The following COX7C variants were observed in gnomAD, a reference collection of about 807,000 sequenced individuals.
COX7C encodes cytochrome c oxidase subunit 7C.
In COX7C, 1 loss-of-function variant was observed where a neutral mutation model predicts 6.4. The ratio of observed to expected loss-of-function variants is 0.16; its 90% CI spans 0.06 to 0.74. The LOEUF is 0.74. COX7C is among the 30% of genes least tolerant of loss of function. COX7C has a pLI of 0.78. For synonymous variants in COX7C, 24 were observed against 28.9 expected (o/e 0.83, Z 0.54); for missense variants, 54 against 73.7 (o/e 0.73, Z 0.98).
Position 86,617,992 on chromosome 5 carries a change from G to C in COX7C, c.-64G>C. 6.6e-7 allele frequency: 1 copy of C among 1,516,906 alleles called. No individual in the cohort carries two copies. 94.0% of individuals were successfully genotyped at this position (1,516,906 alleles called of 1,614,324 possible). The stretch of plus-strand genomic sequence containing the variant: ...CAAGGTCGTGAAAAAAAAGGTCTTG[G>C]TGAGGTGCCGCCATTTCATCTGTCC... On this transcript the variant is annotated 5_prime_UTR_variant, in exon 1 of 3. Coordinates refer to ENST00000247655, the MANE Select transcript of COX7C (RefSeq NM_001867.3).
At chr5:86,618,191 C>G in intron 1 of COX7C, 61 bp downstream of exon 1, 2 of 1,490,330 alleles carry the variant, frequency 1.3e-6, no homozygotes, top group South Asian at 1.1e-5. Flanking sequence ...GACTCGCGCA[C>G]CTGCAAGGCC....
chr5:86,620,580 G>T, intron 2 of COX7C, 88 bp from the exon 3 acceptor site: 1 of 401,508 alleles, frequency 2.5e-6, no homozygotes, highest in Non-Finnish European at 5.3e-6. Flanking sequence ...TACTCAAACT[G>T]ATAGAAAATA....
Position 86,618,309 on chromosome 5 carries a change from T to G in COX7C, c.75+179T>G, listed in dbSNP as rs537577625. ...TGAGGAAGCTGGGCATCCTAGCGCG[T>G]AGCCGCTAAAGGAATGGGCAGGTAG... is the stretch of plus-strand genomic sequence containing the variant. On this transcript the variant is annotated intron_variant, in intron 1 of 2. Transcript: ENST00000247655. 3.4e-5 allele frequency: 21 copies of G among 615,578 alleles called. No individual in the cohort carries two copies. The East Asian group carries it at 5.8e-4, about 17-fold the overall frequency. 38.1% of individuals were successfully genotyped at this position (615,578 alleles called of 1,614,324 possible).
chr5:86,618,185 C>A (rs530665895), intron 1 of COX7C, 55 bp downstream of exon 1: 5 of 1,539,522 alleles, frequency 3.2e-6, no homozygotes, highest in South Asian at 2.2e-5. Flanking sequence ...GGCTGTGACT[C>A]GCGCACCTGC....
At chr5:86,618,452 G>A in intron 1 of COX7C, 1 of 303,446 alleles carries the variant, frequency 3.3e-6, no homozygotes, top group Non-Finnish European at 6.3e-6. Flanking sequence ...CGAGCTGGAG[G>A]TCATCGGACC....
In COX7C at chr5:86,619,480, GT is replaced by G; in HGVS notation, c.*13del. 6.5e-7 allele frequency: 1 copy of G among 1,529,266 alleles called. No homozygotes were observed. Among genetic ancestry groups the G allele is most frequent in the East Asian group, 2.3e-5 (1 of 44,438 alleles). The allele number at this position is 1,529,266 out of a possible 1,614,324, so 94.7% of individuals were successfully genotyped here. A position where few individuals can be genotyped will look rare whatever the true frequency, so the allele number is the denominator to read the frequency against. On this transcript the variant is annotated 3_prime_UTR_variant, in exon 2 of 3. Coordinates refer to ENST00000247655, the MANE Select transcript of COX7C (RefSeq NM_001867.3). The stretch of plus-strand genomic sequence containing the variant: ...CTGCTTAAAACATAAGGATGTTTCA[GT>G]TCCTCCATTTAACAGGTAGTTAGTG...
At chr5:86,618,745 A>G (rs6452719) in intron 1 of COX7C, among the ~76,000 whole-genome samples, 68,866 of 152,034 alleles carry the variant, frequency 0.45, 18,431 homozygotes, top group African/African-American at 0.75. Context: ...TCGGGAGGCT[A>G]AGGCGTTCGG....
intron 1 of COX7C, among the ~76,000 whole-genome samples, chr5:86,618,911 G>A (rs535112714): frequency 1.3e-5 from 2 of 151,764 alleles, no homozygotes; most frequent in African/African-American, 4.8e-5. Flanking sequence ...GAACCCGGGA[G>A]GTGGAGGTTG....
intron 2 of COX7C, 64 bp downstream of exon 2, chr5:86,619,560 A>G: frequency 1.2e-6 from 1 of 803,948 alleles, no homozygotes; most frequent in Non-Finnish European, 2.2e-6. Context: ...CTTCCCCATC[A>G]CCCAGAACAC....
chr5:86,619,820 G>A (rs190855550), intron 2 of COX7C: 2 of 195,278 alleles, frequency 1.0e-5, no homozygotes, highest in African/African-American at 2.3e-5. Context: ...CTAGTATAAT[G>A]GTGGACCAGG....
Position 86,618,021 on chromosome 5 carries a change from T to TTC in COX7C, c.-31_-30dup, listed in dbSNP as rs1378185488. ...GGTGCCGCCATTTCATCTGTCCTCA[T>TTC]TCTCTGCGCCTTTCGCAGAGCTTCC... On this transcript the variant is annotated 5_prime_UTR_variant, in exon 1 of 3. Transcript: ENST00000247655. 1 of 1,608,690 alleles carries TTC rather than the reference T, an allele frequency of 6.2e-7. No homozygotes were observed. The highest frequency in any genetic ancestry group is 1.7e-5 in the Admixed American group (1 of 60,000).
At chr5:86,619,585 T>C in intron 2 of COX7C, 89 bp downstream of exon 2, 1 of 728,652 alleles carries the variant, frequency 1.4e-6, no homozygotes, top group Non-Finnish European at 2.5e-6. Context: ...ACAAATACAT[T>C]GTTGTGTAGG....
At chr5:86,618,641 AG>A (rs2112176730) in intron 1 of COX7C, among the ~76,000 whole-genome samples, 1 of 152,266 alleles carries the variant, frequency 6.6e-6, no homozygotes. Context: ...GGGTCACACG[AG>A]GCCTAGTCAT....
intron 1 of COX7C, chr5:86,618,417 C>T (rs1480521004): frequency 1.4e-5 from 6 of 423,306 alleles, no homozygotes; most frequent in African/African-American, 4.1e-5. Context: ...CGGGAGGCCA[C>T]GGCTGTAGGT....
Position 86,620,803 on chromosome 5 carries a change from A to C in COX7C, c.*163A>C, listed in dbSNP as rs1231203894. The C allele has an allele frequency of 4.0e-6, 1 of 247,346 alleles. No homozygotes were observed. The highest frequency in any genetic ancestry group is 8.8e-6 in the Non-Finnish European group (1 of 113,170). 15.3% of individuals were successfully genotyped at this position (247,346 alleles called of 1,614,324 possible). A position where few individuals can be genotyped will look rare whatever the true frequency, so the allele number is the denominator to read the frequency against. On this transcript the variant is annotated 3_prime_UTR_variant, in exon 3 of 3. Transcript: ENST00000247655. ...TCTTTTTTGAAATAGGGAATGTAAT[A>C]ATTGGCCATTTGCCTACTTTATTAT...
chr5:86,619,496 G>C lies in COX7C; in HGVS notation c.*27G>C. On this transcript the variant is annotated splice_region_variant and 3_prime_UTR_variant, in exon 2 of 3. Coordinates refer to ENST00000247655, the MANE Select transcript of COX7C (RefSeq NM_001867.3). ...GATGTTTCAGTTCCTCCATTTAACAGGTAGTTAGTGGATTTCTAATCATGT... is the reference window on the plus strand; with the variant it reads ...GATGTTTCAGTTCCTCCATTTAACACGTAGTTAGTGGATTTCTAATCATGT... 1 of 1,395,480 alleles carries C rather than the reference G, an allele frequency of 7.2e-7. No homozygotes were observed. The highest frequency in any genetic ancestry group is 1.0e-6 in the Non-Finnish European group (1 of 981,052). The allele number at this position is 1,395,480 out of a possible 1,614,324, so 86.4% of individuals were successfully genotyped here.
At chr5:86,618,161 G>A (rs966408093) in intron 1 of COX7C, 31 bp downstream of exon 1, 37 of 1,607,946 alleles carry the variant, frequency 2.3e-5, no homozygotes, top group Non-Finnish European at 2.8e-5. Flanking sequence ...GCTTCGTTGG[G>A]GGAGGGGGCG....
chr5:86,619,530 G>C (rs923422357), intron 2 of COX7C, 34 bp downstream of exon 2: 4 of 1,102,044 alleles, frequency 3.6e-6, no homozygotes, highest in Non-Finnish European at 5.6e-6. Flanking sequence ...GTTAAAGCAG[G>C]CCTTTTTATT....
At position 86,618,074 on chromosome 5, in the gene COX7C, C is replaced by G; in HGVS notation, c.19C>G (p.Arg7Gly). The G allele has an allele frequency of 6.2e-7, 1 of 1,613,904 alleles. No individual in the cohort carries two copies. Among genetic ancestry groups the G allele is most frequent in the Non-Finnish European group, 8.5e-7 (1 of 1,180,020 alleles). Residue 7 changes from arginine to glycine, a missense_variant, in exon 1 of 3, where the codon CGG becomes GGG. By Grantham distance (125) the Arg-to-Gly change is moderately radical. Transcript: ENST00000247655. MLGQSI[R>G]RFTTSVVRRS... The stretch of plus-strand genomic sequence containing the variant: ...CAGCGGTATGTTGGGCCAGAGCATC[C>G]GGAGGTTCACAACCTCTGTGGTCCG...
Sources: allele counts gnomAD v4.1 joint callset (sites outside exome capture counted in the v4.1 genomes callset), GRCh38; gene constraint gnomAD v4.1.1; transcripts MANE v1.5; gene names NCBI Gene and HGNC (gene_info 2026-07-23, HGNC 2026-07-21).